The following RNF150 variants were observed in gnomAD, a reference collection of about 807,000 sequenced individuals.
RNF150 encodes ring finger protein 150.
RNF150 carries 24 observed loss-of-function variants against 39.3 expected under a neutral mutation model. That is an observed-to-expected ratio of 0.61 (90% CI 0.44 to 0.86). The LOEUF (loss-of-function observed/expected upper bound fraction) is 0.86, where lower values mean the gene tolerates loss of function less well. Ranked by LOEUF, RNF150 falls within the 40% of genes least tolerant of loss-of-function variation. The pLI is 0.00. For missense variants in RNF150, 502 were observed against 587.8 expected (o/e 0.85, Z 1.51); for synonymous variants, 255 against 227.3 (o/e 1.12, Z -1.10).
intron 6 of RNF150, among the ~76,000 whole-genome samples, chr4:140,874,426 G>A (rs1729067854): frequency 6.6e-6 from 1 of 152,190 alleles, no homozygotes; most frequent in South Asian, 2.1e-4. Context: ...TCTTCATAAA[G>A]AGGAGGCACT....
chr4:141,168,722 C>T (rs151249239), intron 1 of RNF150, among the ~76,000 whole-genome samples: 1 of 152,112 alleles, frequency 6.6e-6, no homozygotes, highest in Non-Finnish European at 1.5e-5. Context: ...CATGTTCTCA[C>T]TCATAAATGG....
intron 1 of RNF150, among the ~76,000 whole-genome samples, chr4:140,993,531 C>T (rs759118143): frequency 2.0e-5 from 3 of 152,200 alleles, no homozygotes; most frequent in Non-Finnish European, 4.4e-5. Flanking sequence ...AGAGACATTT[C>T]TGGAGTAGGC....
At chr4:140,923,014 A>T (rs904422951) in intron 5 of RNF150, among the ~76,000 whole-genome samples, 1 of 150,760 alleles carries the variant, frequency 6.6e-6, no homozygotes, top group Non-Finnish European at 1.5e-5. Flanking sequence ...AACCATAAAA[A>T]CCCCAGAAGA....
Position 140,860,744 on chromosome 4 carries a change from GA to G in RNF150, c.*7516del, listed in dbSNP as rs2111158357. The G allele has an allele frequency of 6.6e-6, 1 of 152,120 alleles. No homozygotes were observed. Among genetic ancestry groups the G allele is most frequent in the East Asian group, 1.9e-4 (1 of 5,194 alleles). 9.4% of individuals were successfully genotyped at this position (152,120 alleles called of 1,614,324 possible). A position where few individuals can be genotyped will look rare whatever the true frequency, so the allele number is the denominator to read the frequency against. On this transcript the variant is annotated 3_prime_UTR_variant, in exon 7 of 7. Transcript: ENST00000515673. Reference sequence around the variant, plus strand: ...TATAATTGTAAATTCATTATTTGCAGATTTTTTTCTAGTGGGAAATAATATG... The same window carrying G: ...TATAATTGTAAATTCATTATTTGCAGTTTTTTTCTAGTGGGAAATAATATG...
intron 2 of RNF150, among the ~76,000 whole-genome samples, chr4:140,959,849 G>A (rs1167502649): frequency 2.0e-5 from 3 of 152,068 alleles, no homozygotes; most frequent in Non-Finnish European, 4.4e-5. Context: ...TTGCGGGAGA[G>A]AGGCTGGGGT....
intron 1 of RNF150, among the ~76,000 whole-genome samples, chr4:141,100,304 A>G (rs1013290020): frequency 6.6e-6 from 1 of 152,220 alleles, no homozygotes; most frequent in African/African-American, 2.4e-5. Context: ...AGAGTTAAAT[A>G]TATAATTCTG....
chr4:141,175,616 C>G (rs116697084), intron 1 of RNF150, among the ~76,000 whole-genome samples: 1 of 152,138 alleles, frequency 6.6e-6, no homozygotes. Flanking sequence ...AGTTCAGAAG[C>G]AACTGAAAGA....
At chr4:141,034,451 T>C (rs1481434838) in intron 1 of RNF150, among the ~76,000 whole-genome samples, 3 of 152,186 alleles carry the variant, frequency 2.0e-5, no homozygotes, top group African/African-American at 7.2e-5. Flanking sequence ...TGCTTTCTTA[T>C]CATTCATTTG....
Position 141,002,907 on chromosome 4 carries a change from G to A in RNF150, c.485-35034C>T, listed in dbSNP as rs926180477. On this transcript the variant is annotated intron_variant, in intron 1 of 6. Transcript: ENST00000515673. Reference sequence around the variant, plus strand: ...AAGCTTTTCAAGGAGAGCTCTCTGTGTTCCAAAAGTTAAGAACATTAACTG... The same window carrying A: ...AAGCTTTTCAAGGAGAGCTCTCTGTATTCCAAAAGTTAAGAACATTAACTG... 3.9e-5 allele frequency among the ~76,000 whole-genome samples: 6 copies of A among 152,242 alleles called. No homozygotes were observed. In the East Asian group the frequency reaches 1.2e-3, roughly 29 times the overall value.
At chr4:140,931,027 T>C (rs1175025990) in intron 4 of RNF150, among the ~76,000 whole-genome samples, 2 of 152,000 alleles carry the variant, frequency 1.3e-5, no homozygotes, top group East Asian at 1.9e-4. Context: ...TTTTGTCTTA[T>C]AGGTATGGGC....
intron 6 of RNF150, among the ~76,000 whole-genome samples, chr4:140,910,747 G>A (rs945202306): frequency 2.0e-5 from 3 of 152,226 alleles, no homozygotes; most frequent in Non-Finnish European, 2.9e-5. Context: ...ATGCGCAGGT[G>A]AGTGGGTGTG....
At chr4:141,032,913 C>T (rs577491845) in intron 1 of RNF150, among the ~76,000 whole-genome samples, 1 of 152,312 alleles carries the variant, frequency 6.6e-6, no homozygotes, top group Non-Finnish European at 1.5e-5. Context: ...TTACAATCAT[C>T]TGAGTCTTCA....
At chr4:141,148,329 A>C (rs1727236408) in intron 1 of RNF150, among the ~76,000 whole-genome samples, 1 of 152,204 alleles carries the variant, frequency 6.6e-6, no homozygotes, top group African/African-American at 2.4e-5. Context: ...TTAAAAAGAA[A>C]ACTCTCATGT....
intron 1 of RNF150, among the ~76,000 whole-genome samples, chr4:141,019,221 G>A (rs1056482069): frequency 2.0e-5 from 3 of 151,360 alleles, no homozygotes; most frequent in African/African-American, 7.3e-5. Flanking sequence ...ACATACTCTT[G>A]AATCACAGAA....
intron 1 of RNF150, among the ~76,000 whole-genome samples, chr4:140,990,991 G>A (rs1345253481): frequency 6.6e-6 from 1 of 152,172 alleles, no homozygotes; most frequent in African/African-American, 2.4e-5. Context: ...AACCTCACCA[G>A]CATCTGTTGT....
intron 1 of RNF150, among the ~76,000 whole-genome samples, chr4:141,104,318 A>C (rs1739125902): frequency 6.6e-6 from 1 of 152,210 alleles, no homozygotes; most frequent in Non-Finnish European, 1.5e-5. Context: ...CATCTTCGCA[A>C]TTGCTTACAA....
In RNF150 at chr4:141,048,072, C is replaced by G. The variant is rs562050478; in HGVS notation, c.485-80199G>C. On this transcript the variant is annotated intron_variant, in intron 1 of 6. Coordinates refer to ENST00000515673, the MANE Select transcript of RNF150 (RefSeq NM_020724.2). ...AAAGTGAACAAACAGGGGTTGTGTC[C>G]CACTTCCTATCGGGTCCTCAAAGAT... Among the ~76,000 whole-genome samples, 225 of 152,214 alleles carry G rather than the reference C, an allele frequency of 1.5e-3. 2 individuals are homozygous for G. The highest frequency in any genetic ancestry group is 5.1e-3 in the African/African-American group (213 of 41,520).
At chr4:140,968,367 A>C (rs1433311463) in intron 1 of RNF150, among the ~76,000 whole-genome samples, 3 of 152,014 alleles carry the variant, frequency 2.0e-5, no homozygotes, top group Non-Finnish European at 4.4e-5. Context: ...AGATCTCTCT[A>C]TATTATTTCC....
chr4:141,148,365 T>C (rs1727236947), intron 1 of RNF150, among the ~76,000 whole-genome samples: 1 of 152,226 alleles, frequency 6.6e-6, no homozygotes, highest in African/African-American at 2.4e-5. Context: ...TATGGTAGAC[T>C]TGTGAGCAAT....
Sources: gnomAD v4.1 joint callset for allele counts (sites outside exome capture counted in the v4.1 genomes callset) on GRCh38, gnomAD v4.1.1 for gene constraint, MANE v1.5 for transcripts, NCBI Gene and HGNC (gene_info 2026-07-23, HGNC 2026-07-21) for gene names.